The following CELF2 variants were observed in gnomAD, a reference collection of about 807,000 sequenced individuals.
The protein encoded by CELF2 is CUGBP Elav-like family member 2, also known as CUG triplet repeat RNA-binding protein 2.
CELF2 carries 8 observed loss-of-function variants against 62.6 expected under a neutral mutation model. The ratio of observed to expected loss-of-function variants is 0.13; its 90% CI spans 0.07 to 0.23. CELF2 has a LOEUF of 0.23. Among genes scored for constraint, CELF2 ranks in the 10% least tolerant of loss-of-function variants. The pLI, the probability that CELF2 is intolerant of heterozygous loss-of-function variation, is 1.00. For missense variants in CELF2, 333 were observed against 671.0 expected, an observed-to-expected ratio of 0.50 and a Z score of 5.56; for synonymous variants, 258 against 250.0, an observed-to-expected ratio of 1.03 and a Z score of -0.30.
chr10:10,764,608 T>C, the CELF2 span, among the ~76,000 whole-genome samples: 33 of 152,324 alleles, frequency 2.2e-4, no homozygotes, highest in African/African-American at 7.7e-4. Flanking sequence ...TAATGTCACA[T>C]ATAAAACACA....
intron 1 of CELF2, among the ~76,000 whole-genome samples, chr10:11,094,539 A>C (rs1203957562): frequency 6.6e-6 from 1 of 152,196 alleles, no homozygotes; most frequent in African/African-American, 2.4e-5. Flanking sequence ...GTCGACAATA[A>C]GGCTTCCATA....
intron 2 of CELF2, among the ~76,000 whole-genome samples, chr10:11,210,572 T>C (rs2061552506): frequency 6.6e-6 from 1 of 152,192 alleles, no homozygotes; most frequent in Non-Finnish European, 1.5e-5. Flanking sequence ...AAGGGTGGTA[T>C]CAGAAAAAGA....
chr10:11,017,674 G>A (rs1314985595), upstream of CELF2, among the ~76,000 whole-genome samples: 3 of 152,142 alleles, frequency 2.0e-5, no homozygotes, highest in African/African-American at 7.2e-5. The surrounding 1 kb of genome is among the most constrained non-coding windows in gnomAD (Gnocchi z 5.5). Context: ...AGGGACCCCC[G>A]GGCGGGGGAG....
At chr10:10,598,016 C>T in the CELF2 span, among the ~76,000 whole-genome samples, 1 of 152,074 alleles carries the variant, frequency 6.6e-6, no homozygotes, top group Non-Finnish European at 1.5e-5. Flanking sequence ...TATCATTTGT[C>T]AATTCAGTGT....
chr10:10,981,706 T>G (rs1213881276), intron 2 of CELF2, among the ~76,000 whole-genome samples: 1 of 152,216 alleles, frequency 6.6e-6, no homozygotes, highest in Admixed American at 6.5e-5. Flanking sequence ...ATAGAAATAA[T>G]ACAAGTAAGT....
intron 1 of CELF2, among the ~76,000 whole-genome samples, chr10:10,852,724 T>G (rs185670417): frequency 1.3e-3 from 196 of 152,354 alleles, no homozygotes; most frequent in African/African-American, 4.5e-3. Flanking sequence ...GGGCAAAGCA[T>G]TCACATGATC....
chr10:10,561,013 G>A, the CELF2 span, among the ~76,000 whole-genome samples: 1 of 151,478 alleles, frequency 6.6e-6, no homozygotes, highest in Non-Finnish European at 1.5e-5. Context: ...TGGAAACTTA[G>A]GGGGCAAGAG....
intron 1 of CELF2, among the ~76,000 whole-genome samples, chr10:10,833,450 T>G (rs964254386): frequency 2.0e-5 from 3 of 152,148 alleles, no homozygotes; most frequent in Admixed American, 6.5e-5. Context: ...TGGGTCAGGG[T>G]GAGGCCAGGC....
At chr10:10,811,708 G>A (rs1405837655) in intron 1 of CELF2, among the ~76,000 whole-genome samples, 1 of 152,140 alleles carries the variant, frequency 6.6e-6, no homozygotes, top group Middle Eastern at 3.2e-3. Context: ...GCATCCTGGA[G>A]CCTTCTGAGG....
intron 2 of CELF2, among the ~76,000 whole-genome samples, chr10:11,168,348 CTGTTGTGAAGGTATT>C (rs1391936232): frequency 6.6e-6 from 1 of 152,156 alleles, no homozygotes; most frequent in African/African-American, 2.4e-5. Context: ...ACAGACATCT[CTGTTGTGAAGGTATT>C]TGTTGTGATG....
chr10:10,940,011 C>T (rs982094281), intron 2 of CELF2, among the ~76,000 whole-genome samples: 3 of 152,132 alleles, frequency 2.0e-5, no homozygotes, highest in Non-Finnish European at 4.4e-5. Flanking sequence ...CGTCCATAGA[C>T]AGATCAATGA....
At position 11,088,289 on chromosome 10, in the gene CELF2, C is replaced by T. The variant is rs116653115; in HGVS notation, c.74+70126C>T. 4.1e-3 allele frequency among the ~76,000 whole-genome samples: 626 copies of T among 152,276 alleles called. 8 individuals carry two copies. Among genetic ancestry groups the T allele is most frequent in the African/African-American group, 0.014 (597 of 41,554 alleles). On this transcript the variant is annotated intron_variant, in intron 1 of 12. Coordinates refer to ENST00000633077, the MANE Select transcript of CELF2 (RefSeq NM_001326342.2). ...GTGAACAGCATGAGTGAGGCATATG[C>T]GTAGAAACACTTCGGACATCTTTAG...
At chr10:10,536,881 A>G in the CELF2 span, among the ~76,000 whole-genome samples, 1 of 152,330 alleles carries the variant, frequency 6.6e-6, no homozygotes, top group East Asian at 1.9e-4. Context: ...GCAGAAGATG[A>G]CAGATGGGAT....
intron 11 of CELF2, among the ~76,000 whole-genome samples, chr10:11,325,166 G>A (rs1032246954): frequency 1.9e-4 from 29 of 152,250 alleles, no homozygotes; most frequent in African/African-American, 6.7e-4. Flanking sequence ...TGGCTTCCTC[G>A]GTCTTTGCCC....
At chr10:10,869,374 C>T (rs1285343629) in intron 1 of CELF2, among the ~76,000 whole-genome samples, 1 of 151,966 alleles carries the variant, frequency 6.6e-6, no homozygotes, top group Admixed American at 6.6e-5. Flanking sequence ...CCAGCCTGGC[C>T]AACACAGTGA....
chr10:10,980,764 A>C (rs2051994798), intron 2 of CELF2, among the ~76,000 whole-genome samples: 1 of 152,010 alleles, frequency 6.6e-6, no homozygotes. Context: ...CCCTTAATCC[A>C]ACTCCTTTCC....
chr10:10,816,199 CAAAT>C (rs1370175540), intron 1 of CELF2, among the ~76,000 whole-genome samples: 1 of 152,136 alleles, frequency 6.6e-6, no homozygotes, highest in Non-Finnish European at 1.5e-5. Flanking sequence ...AGACAAGAGA[CAAAT>C]AAGCCAGTCC....
At chr10:10,615,062 C>T in the CELF2 span, among the ~76,000 whole-genome samples, 8 of 152,096 alleles carry the variant, frequency 5.3e-5, no homozygotes, top group Middle Eastern at 3.4e-3. Flanking sequence ...TCCTGGGAGC[C>T]GTCTTCCCAT....
chr10:11,198,230 C>T (rs529998051), intron 2 of CELF2, among the ~76,000 whole-genome samples: 2 of 152,314 alleles, frequency 1.3e-5, no homozygotes, highest in Non-Finnish European at 2.9e-5. Context: ...TTCCGTGTGG[C>T]AGTGTACAAT....
Sources: allele counts gnomAD v4.1 joint callset (sites outside exome capture counted in the v4.1 genomes callset), GRCh38; gene constraint gnomAD v4.1.1; non-coding constraint Gnocchi (gnomAD v3.1); transcripts MANE v1.5; gene names NCBI Gene and HGNC (gene_info 2026-07-23, HGNC 2026-07-21).